Variants in ABTB3 observed in about 807,000 individuals in gnomAD.
The protein encoded by ABTB3 is ankyrin repeat- and BTB/POZ domain-containing protein 3.
At chr12:107,584,275 T>C in the ABTB3 span, among the ~76,000 whole-genome samples, 1 of 152,234 alleles carries the variant, frequency 6.6e-6, no homozygotes, top group Non-Finnish European at 1.5e-5. Context: ...ACACTTACAG[T>C]CCGTGTGGTG....
chr12:107,356,986 C>A, the ABTB3 span, among the ~76,000 whole-genome samples: 1 of 152,206 alleles, frequency 6.6e-6, no homozygotes, highest in Non-Finnish European at 1.5e-5. Flanking sequence ...AGCTCAACAC[C>A]TACTGATTGA....
At chr12:107,494,193 T>C in the ABTB3 span, among the ~76,000 whole-genome samples, 5 of 152,156 alleles carry the variant, frequency 3.3e-5, no homozygotes, top group Non-Finnish European at 7.4e-5. Context: ...CATATGAGCA[T>C]TGGATCCTGA....
the ABTB3 span, among the ~76,000 whole-genome samples, chr12:107,624,140 A>G: frequency 6.6e-6 from 1 of 151,822 alleles, no homozygotes; most frequent in Non-Finnish European, 1.5e-5. Context: ...TCTATGTGTA[A>G]TGAATGGGAC....
the ABTB3 span, among the ~76,000 whole-genome samples, chr12:107,388,564 C>T: frequency 6.6e-6 from 1 of 151,488 alleles, no homozygotes; most frequent in African/African-American, 2.4e-5. Context: ...CCTCATTCCC[C>T]TCCTACTCCC....
At chr12:107,506,977 T>C in the ABTB3 span, among the ~76,000 whole-genome samples, 15 of 152,332 alleles carry the variant, frequency 9.8e-5, no homozygotes, top group African/African-American at 3.1e-4. Context: ...TTTCTTATTA[T>C]TGAAGTTTTA....
At chr12:107,618,390 C>T in the ABTB3 span, 3 of 1,600,360 alleles carry the variant, frequency 1.9e-6, no homozygotes, top group South Asian at 1.1e-5. Flanking sequence ...TCAGTCTGGG[C>T]ACCCTCCACC....
the ABTB3 span, among the ~76,000 whole-genome samples, chr12:107,565,869 G>A: frequency 2.0e-5 from 3 of 152,158 alleles, no homozygotes; most frequent in East Asian, 1.9e-4. Flanking sequence ...CAGTGTCCAC[G>A]GAGTGAGAGG....
At chr12:107,421,213 T>A in the ABTB3 span, among the ~76,000 whole-genome samples, 3 of 152,232 alleles carry the variant, frequency 2.0e-5, no homozygotes, top group Admixed American at 1.3e-4. Flanking sequence ...GATTTTTCTC[T>A]TCCTGTTTAA....
At chr12:107,477,178 C>G in the ABTB3 span, among the ~76,000 whole-genome samples, 1 of 152,138 alleles carries the variant, frequency 6.6e-6, no homozygotes, top group Non-Finnish European at 1.5e-5. Flanking sequence ...CCACTTCCAC[C>G]TCTCACCTCT....
the ABTB3 span, among the ~76,000 whole-genome samples, chr12:107,531,087 T>C: frequency 2.0e-5 from 3 of 152,218 alleles, no homozygotes; most frequent in Non-Finnish European, 2.9e-5. Context: ...CCTGTTTTCT[T>C]ATCTGCAAAG....
At chr12:107,407,658 A>T in the ABTB3 span, among the ~76,000 whole-genome samples, 1 of 152,226 alleles carries the variant, frequency 6.6e-6, no homozygotes, top group Non-Finnish European at 1.5e-5. Context: ...ATAGAGAAAT[A>T]GTTCCCCTTT....
the ABTB3 span, among the ~76,000 whole-genome samples, chr12:107,534,859 C>G: frequency 6.6e-6 from 1 of 152,210 alleles, no homozygotes; most frequent in Non-Finnish European, 1.5e-5. Context: ...TTCTACCAAA[C>G]TTTTAAAGAA....
chr12:107,555,615 G>A, the ABTB3 span, among the ~76,000 whole-genome samples: 1 of 152,316 alleles, frequency 6.6e-6, no homozygotes, highest in African/African-American at 2.4e-5. Context: ...TAAGGAACCA[G>A]AGCTGCACTG....
At chr12:107,550,424 G>A in the ABTB3 span, among the ~76,000 whole-genome samples, 1 of 150,966 alleles carries the variant, frequency 6.6e-6, no homozygotes, top group African/African-American at 2.4e-5. Context: ...ATTTCTACCT[G>A]GTAGAATTAT....
chr12:107,474,601 G>A, the ABTB3 span, among the ~76,000 whole-genome samples: 8 of 152,288 alleles, frequency 5.3e-5, no homozygotes, highest in East Asian at 1.5e-3. Flanking sequence ...GCCACAAAGG[G>A]AAGGGGAGGC....
chr12:107,575,306 G>A, the ABTB3 span, among the ~76,000 whole-genome samples: 1 of 151,986 alleles, frequency 6.6e-6, no homozygotes, highest in South Asian at 2.1e-4. Flanking sequence ...CACCTGGCAG[G>A]GAGAAGATGA....
At chr12:107,503,135 G>A in the ABTB3 span, among the ~76,000 whole-genome samples, 1 of 152,180 alleles carries the variant, frequency 6.6e-6, no homozygotes, top group Non-Finnish European at 1.5e-5. Flanking sequence ...TCGTTTCCGA[G>A]GGAAGGAACG....
At chr12:107,595,359 G>A in the ABTB3 span, among the ~76,000 whole-genome samples, 3 of 152,100 alleles carry the variant, frequency 2.0e-5, no homozygotes, top group African/African-American at 7.2e-5. Flanking sequence ...TTGACCTGAG[G>A]AGCACCCCAT....
the ABTB3 span, among the ~76,000 whole-genome samples, chr12:107,528,247 A>G: frequency 6.6e-6 from 1 of 152,166 alleles, no homozygotes; most frequent in African/African-American, 2.4e-5. Flanking sequence ...GTGGCACTGG[A>G]AATGATAGTA....
Sources: allele counts gnomAD v4.1 joint callset (sites outside exome capture counted in the v4.1 genomes callset), GRCh38; gene constraint gnomAD v4.1.1; transcripts MANE v1.5; gene names NCBI Gene and HGNC (gene_info 2026-07-23, HGNC 2026-07-21).